Variants in GLI3 observed in about 807,000 individuals in gnomAD.
The protein encoded by GLI3 is GLI family zinc finger 3.
Under a neutral mutation model 100.8 loss-of-function variants are expected in GLI3, and 20 were observed. The ratio of observed to expected loss-of-function variants is 0.20; its 90% CI spans 0.14 to 0.29. The LOEUF (loss-of-function observed/expected upper bound fraction) is 0.29, where lower values mean the gene tolerates loss of function less well. Ranked by LOEUF, GLI3 falls within the 10% of genes least tolerant of loss-of-function variation. The pLI, the probability that GLI3 is intolerant of heterozygous loss-of-function variation, is 1.00. For missense variants in GLI3, 2,040 were observed against 2,128.5 expected, an observed-to-expected ratio of 0.96 and a Z score of 0.82; for synonymous variants, 938 against 860.5, an observed-to-expected ratio of 1.09 and a Z score of -1.58.
intron 6 of GLI3, among the ~76,000 whole-genome samples, chr7:42,041,003 G>C (rs73688624): frequency 1.9e-3 from 296 of 152,262 alleles, no homozygotes; most frequent in African/African-American, 6.8e-3. Context: ...CGAGGTTGAG[G>C]ACCTCTGCCT....
At chr7:42,162,299 A>G (rs764977789) in intron 2 of GLI3, among the ~76,000 whole-genome samples, 14 of 152,108 alleles carry the variant, frequency 9.2e-5, no homozygotes, top group Admixed American at 6.5e-5. Flanking sequence ...TCTCAACCCA[A>G]CCCCTCAGGG....
At chr7:42,136,318 C>T (rs779549768) in intron 3 of GLI3, among the ~76,000 whole-genome samples, 2 of 152,170 alleles carry the variant, frequency 1.3e-5, no homozygotes, top group Non-Finnish European at 2.9e-5. Flanking sequence ...CGTAGGCCTC[C>T]GTTTCTCAGT....
chr7:42,018,019 A>G (rs1019286278), intron 10 of GLI3, among the ~76,000 whole-genome samples: 7 of 152,210 alleles, frequency 4.6e-5, no homozygotes, highest in Admixed American at 6.5e-5. Context: ...GGTCATCCCA[A>G]GAGTCAGGGC....
upstream of GLI3, among the ~76,000 whole-genome samples, chr7:42,239,241 C>A (rs1004539524): frequency 3.3e-5 from 5 of 152,210 alleles, no homozygotes; most frequent in Non-Finnish European, 7.3e-5. Context: ...CCCATCTCCG[C>A]GCTCACTAAC....
rs114292995 is a variant in GLI3, at chr7:42,222,949, C to A, written c.124+181G>T. The A allele has an allele frequency of 1.3e-3, 880 of 687,352 alleles. 3 individuals are homozygous for A. The highest frequency in any genetic ancestry group is 0.013 in the African/African-American group (706 of 56,424). 42.6% of individuals were successfully genotyped at this position (687,352 alleles called of 1,614,324 possible). A position where few individuals can be genotyped will look rare whatever the true frequency, so the allele number is the denominator to read the frequency against. On this transcript the variant is annotated intron_variant, in intron 2 of 14. Coordinates refer to ENST00000395925, the MANE Select transcript of GLI3 (RefSeq NM_000168.6). ...TGGAAGTCAACGTGTAGGTTGAGTG[C>A]CAAAATAGAGATTACTACATTCCAT...
upstream of GLI3, chr7:42,237,976 T>TCCG (rs1206993639): frequency 0.042 from 6,141 of 145,998 alleles, 182 homozygotes; most frequent in East Asian, 0.14. Context: ...CTCCCCGCCC[T>TCCG]CCGCCGCCGC....
chr7:42,198,456 C>T (rs917543108), intron 2 of GLI3, among the ~76,000 whole-genome samples: 2 of 152,084 alleles, frequency 1.3e-5, no homozygotes, highest in Admixed American at 6.6e-5. Context: ...CCTGAGGAGC[C>T]GTCCTGAGAT....
chr7:42,047,427 A>G (rs1784266777), intron 5 of GLI3, among the ~76,000 whole-genome samples: 1 of 152,178 alleles, frequency 6.6e-6, no homozygotes, highest in Non-Finnish European at 1.5e-5. Flanking sequence ...TGCTCAGTGA[A>G]ATGAAATGCC....
chr7:42,220,579 G>A (rs79313574), intron 2 of GLI3, among the ~76,000 whole-genome samples: 6,857 of 152,224 alleles, frequency 0.045, 195 homozygotes, highest in Non-Finnish European at 0.066. Context: ...GGGCCTCTGC[G>A]CTTCCAGCAA....
chr7:42,172,868 A>G (rs928725627), intron 2 of GLI3, among the ~76,000 whole-genome samples: 1 of 152,230 alleles, frequency 6.6e-6, no homozygotes, highest in Admixed American at 6.5e-5. Context: ...CAAATTATGA[A>G]GATTATTCCA....
At chr7:42,027,205 A>G (rs1020047255) in intron 7 of GLI3, among the ~76,000 whole-genome samples, 2 of 152,220 alleles carry the variant, frequency 1.3e-5, no homozygotes, top group African/African-American at 4.8e-5. Context: ...TTTCTCGACT[A>G]GCAGGCAATG....
At chr7:42,124,781 G>A (rs1441881372) in intron 3 of GLI3, among the ~76,000 whole-genome samples, 1 of 152,166 alleles carries the variant, frequency 6.6e-6, no homozygotes, top group Non-Finnish European at 1.5e-5. Flanking sequence ...TTTTGCTTTA[G>A]TTGTTGCCAT....
chr7:42,147,097 A>G (rs1786728852), intron 3 of GLI3, among the ~76,000 whole-genome samples: 1 of 152,120 alleles, frequency 6.6e-6, no homozygotes. Flanking sequence ...CTTTTCCAAC[A>G]ATATAATCTG....
chr7:42,061,641 A>G (rs74550581), intron 4 of GLI3, among the ~76,000 whole-genome samples: 1,835 of 152,288 alleles, frequency 0.012, 29 homozygotes, highest in African/African-American at 0.039. Context: ...TAGGACTACT[A>G]TATGAGACTA....
chr7:42,076,645 T>C, intron 4 of GLI3, 107 bp downstream of exon 4: 3 of 775,830 alleles, frequency 3.9e-6, no homozygotes, highest in Non-Finnish European at 4.7e-6. Context: ...CTTACACTTC[T>C]ATCACATCTT....
chr7:42,019,056 C>A (rs921483941), intron 10 of GLI3, among the ~76,000 whole-genome samples: 9 of 152,142 alleles, frequency 5.9e-5, no homozygotes, highest in African/African-American at 1.2e-4. Flanking sequence ...TGTGTTATTT[C>A]TTACACAGAA....
At chr7:42,067,475 T>A (rs1347670355) in intron 4 of GLI3, among the ~76,000 whole-genome samples, 3 of 152,190 alleles carry the variant, frequency 2.0e-5, no homozygotes, top group Non-Finnish European at 2.9e-5. Context: ...CCACTCCCCA[T>A]CAGATGATAG....
At chr7:42,259,714 T>C (rs1206387429) in intron 1 of GLI3, among the ~76,000 whole-genome samples, 2 of 152,198 alleles carry the variant, frequency 1.3e-5, no homozygotes, top group South Asian at 2.1e-4. Flanking sequence ...GCAGATGACC[T>C]TGCATTTTCC....
At chr7:42,150,236 T>C (rs1378011998) in intron 2 of GLI3, 3 of 152,210 alleles carry the variant, frequency 2.0e-5, no homozygotes, top group East Asian at 1.9e-4. Context: ...CATGTTCACA[T>C]TGATCTCTAT....
Sources: allele counts gnomAD v4.1 joint callset (sites outside exome capture counted in the v4.1 genomes callset), GRCh38; gene constraint gnomAD v4.1.1; transcripts MANE v1.5; gene names NCBI Gene and HGNC (gene_info 2026-07-23, HGNC 2026-07-21).